The following ITPR1 variants were observed in gnomAD, a reference collection of about 807,000 sequenced individuals.
The protein encoded by ITPR1 is inositol 1,4,5-trisphosphate receptor type 1.
Under a neutral mutation model 318.4 loss-of-function variants are expected in ITPR1, and 96 were observed. The ratio of observed to expected loss-of-function variants is 0.30; its 90% confidence interval spans 0.26 to 0.36. The LOEUF (loss-of-function observed/expected upper bound fraction) is 0.36. Among genes scored for constraint, ITPR1 ranks in the 10% least tolerant of loss-of-function variants. The probability of loss-of-function intolerance (pLI) is 1.00; values close to 1 mark genes in which losing one functional copy is unlikely to be tolerated. For synonymous variants in ITPR1, 1,312 were observed against 1,289.9 expected (o/e 1.02, Z -0.37); for missense variants, 2,440 against 3,460.2 (o/e 0.71, Z 7.40).
At chr3:4,631,957 A>G (rs893281219) in intron 5 of ITPR1, among the ~76,000 whole-genome samples, 2 of 152,186 alleles carry the variant, frequency 1.3e-5, no homozygotes, top group African/African-American at 4.8e-5. Flanking sequence ...CAGCCGACAG[A>G]TAACTTTTTA....
Position 4,830,573 on chromosome 3 carries a change from A to G in ITPR1, c.8029-6201A>G, listed in dbSNP as rs151013440. Among the ~76,000 whole-genome samples the G allele has an allele frequency of 1.9e-4, 29 of 152,180 alleles. No homozygotes were observed. The East Asian group carries it at 4.4e-3, about 23-fold the overall frequency. ...AGCCTCCTCCTCCTGACATTTTCTG[A>G]GGGTTTAAATACATGGGGAGGCCAA... On this transcript the variant is annotated intron_variant, in intron 60 of 61. Transcript: ENST00000649015.
chr3:4,636,357 A>G (rs1453415629), intron 5 of ITPR1, among the ~76,000 whole-genome samples: 3 of 152,218 alleles, frequency 2.0e-5, no homozygotes, highest in Admixed American at 2.0e-4. Context: ...ATTAAACTTT[A>G]TAACAGAATT....
chr3:4,746,389 C>T (rs533187212), intron 44 of ITPR1, among the ~76,000 whole-genome samples: 2 of 152,324 alleles, frequency 1.3e-5, no homozygotes, highest in Admixed American at 1.3e-4. Context: ...GCTTATTGTC[C>T]TGCAGCTGCA....
intron 47 of ITPR1, 42 bp downstream of exon 47, chr3:4,775,484 C>A: frequency 6.7e-7 from 1 of 1,492,736 alleles, no homozygotes; most frequent in Non-Finnish European, 9.3e-7. Flanking sequence ...AAAAGTGTCC[C>A]ATTTTGGAAA....
chr3:4,593,202 C>T (rs1023228539), intron 4 of ITPR1, among the ~76,000 whole-genome samples: 1 of 152,218 alleles, frequency 6.6e-6, no homozygotes. Context: ...GCACTTGGAA[C>T]TGTCTAACAA....
At chr3:4,511,589 T>C (rs775348036) in intron 2 of ITPR1, among the ~76,000 whole-genome samples, 47 of 152,328 alleles carry the variant, frequency 3.1e-4, no homozygotes, top group Non-Finnish European at 5.1e-4. Context: ...GCTGAGTGTT[T>C]ATAAATACCG....
At chr3:4,525,006 G>A (rs1000319769) in intron 4 of ITPR1, among the ~76,000 whole-genome samples, 1 of 152,090 alleles carries the variant, frequency 6.6e-6, no homozygotes, top group Non-Finnish European at 1.5e-5. Flanking sequence ...TCTTTTCTTT[G>A]TATTCCCAGT....
intron 45 of ITPR1, among the ~76,000 whole-genome samples, chr3:4,767,018 C>T (rs1160742193): frequency 3.3e-5 from 5 of 152,226 alleles, no homozygotes; most frequent in South Asian, 4.1e-4. Context: ...GAGGGAAATA[C>T]GTATTTTAAA....
At chr3:4,796,489 TCTC>T (rs1375374876) in intron 53 of ITPR1, among the ~76,000 whole-genome samples, 2 of 152,134 alleles carry the variant, frequency 1.3e-5, no homozygotes. Context: ...GAGGCCCAGG[TCTC>T]CTTTCGCCTC....
At chr3:4,642,741 G>C (rs1441327946) in intron 7 of ITPR1, among the ~76,000 whole-genome samples, 1 of 152,150 alleles carries the variant, frequency 6.6e-6, no homozygotes, top group Non-Finnish European at 1.5e-5. Context: ...AGTAGGTCTG[G>C]AGCAGGGCCC....
intron 4 of ITPR1, among the ~76,000 whole-genome samples, chr3:4,567,446 T>C (rs2087426569): frequency 6.6e-6 from 1 of 152,124 alleles, no homozygotes; most frequent in East Asian, 1.9e-4. Flanking sequence ...GGAGACATGT[T>C]GATAATGGTT....
intron 47 of ITPR1, 81 bp downstream of exon 47, chr3:4,775,523 G>A (rs931782918): frequency 1.8e-5 from 20 of 1,093,304 alleles, no homozygotes; most frequent in Non-Finnish European, 2.2e-5. Context: ...CAGAAATCAC[G>A]AAGCCTGTGC....
At chr3:4,621,093 C>A (rs1037668578) in intron 4 of ITPR1, among the ~76,000 whole-genome samples, 2 of 152,106 alleles carry the variant, frequency 1.3e-5, no homozygotes, top group African/African-American at 4.8e-5. Flanking sequence ...CCCCACAATC[C>A]CACTCCTCAT....
intron 4 of ITPR1, among the ~76,000 whole-genome samples, chr3:4,591,194 G>A (rs927621166): frequency 2.0e-5 from 3 of 152,162 alleles, no homozygotes; most frequent in African/African-American, 7.2e-5. Context: ...ACATAATTGT[G>A]CATGTGTATT....
intron 4 of ITPR1, among the ~76,000 whole-genome samples, chr3:4,565,714 C>T (rs1372061761): frequency 6.6e-6 from 1 of 152,062 alleles, no homozygotes; most frequent in East Asian, 1.9e-4. Flanking sequence ...ATTCTGCAAA[C>T]AATTGAACAG....
At chr3:4,615,071 A>G (rs755952536) in intron 4 of ITPR1, among the ~76,000 whole-genome samples, 17 of 152,224 alleles carry the variant, frequency 1.1e-4, no homozygotes, top group South Asian at 4.1e-4. Flanking sequence ...TATGGGAGGC[A>G]TGGCTGCGGA....
rs747509360 is a variant in ITPR1 at position 4,735,394 on chromosome 3, G to A, written c.5544+40G>A. The A allele has an allele frequency of 2.0e-6, 3 of 1,524,838 alleles. No individual in the cohort carries two copies. In the African/African-American group the frequency reaches 4.1e-5, roughly 21 times the overall value. 94.5% of individuals were successfully genotyped at this position (1,524,838 alleles called of 1,614,324 possible). On this transcript the variant is annotated intron_variant, in intron 44 of 61. Transcript: ENST00000649015. ...TGGCTACTGGTATGGCATCCCTGCTGAGCAGGAGGAGAGTCTGTTCTGGGA... is the reference window on the plus strand; with the variant it reads ...TGGCTACTGGTATGGCATCCCTGCTAAGCAGGAGGAGAGTCTGTTCTGGGA...
At chr3:4,670,359 G>A (rs1013367894) in intron 19 of ITPR1, among the ~76,000 whole-genome samples, 1 of 152,214 alleles carries the variant, frequency 6.6e-6, no homozygotes, top group Admixed American at 6.5e-5. Context: ...GGGTTTTTCA[G>A]TTTAGGTATT....
At chr3:4,777,088 A>G (rs2046530527) in intron 47 of ITPR1, among the ~76,000 whole-genome samples, 176 bp from the exon 48 acceptor site, 3 of 152,218 alleles carry the variant, frequency 2.0e-5, no homozygotes, top group Non-Finnish European at 4.4e-5. Context: ...CTGAAACTAG[A>G]GATTTTCATC....
Sources: gnomAD v4.1 joint callset for allele counts (sites outside exome capture counted in the v4.1 genomes callset) on GRCh38, gnomAD v4.1.1 for gene constraint, MANE v1.5 for transcripts, NCBI Gene and HGNC (gene_info 2026-07-23, HGNC 2026-07-21) for gene names.